The following UGT2B17 variants were observed in gnomAD, a reference collection of about 807,000 sequenced individuals.
UGT2B17 encodes UDP glucuronosyltransferase family 2 member B17.
In UGT2B17, 21 loss-of-function variants were observed where a neutral mutation model predicts 48.2. That is an observed-to-expected ratio of 0.44 (90% CI 0.31 to 0.63). The LOEUF is 0.63. UGT2B17 is among the 20% of genes least tolerant of loss of function. UGT2B17 has a pLI of 0.08. For synonymous variants in UGT2B17, 146 were observed against 238.4 expected (o/e 0.61, Z 3.57); for missense variants, 402 against 696.1 (o/e 0.58, Z 4.75).
intron 2 of UGT2B17, 149 bp from the exon 3 acceptor site, chr4:68,565,869 A>G: frequency 3.6e-5 from 15 of 417,298 alleles, no homozygotes; most frequent in Non-Finnish European, 4.5e-5. Flanking sequence ...ATATATAAAT[A>G]CATTTATATA....
rs535666461 is a variant in UGT2B17 at position 68,542,798 on chromosome 4, C to T, written c.1314-4894G>A. ...AACGGCACACCAGGAGATTATATCG[C>T]GCACCTGGCTCAGAGGGTCCTACGC... On this transcript the variant is annotated intron_variant, in intron 6 of 6. Transcript: ENST00000317746. Among the ~76,000 whole-genome samples, 62 of 127,180 alleles carry T rather than the reference C, an allele frequency of 4.9e-4. 16 individuals carry two copies. In the South Asian group the frequency reaches 7.7e-3, roughly 16 times the overall value. The allele number at this position is 127,180 out of a possible 152,430, so 83.4% of individuals were successfully genotyped here.
At chr4:68,541,499 T>C (rs1329829243) in intron 6 of UGT2B17, among the ~76,000 whole-genome samples, 2 of 126,586 alleles carry the variant, frequency 1.6e-5, no homozygotes, top group Admixed American at 8.1e-5. Context: ...GTGGTGTTTT[T>C]TTTCTTGTAA....
chr4:68,559,941 C>G (rs918298143), intron 4 of UGT2B17, among the ~76,000 whole-genome samples: 4 of 126,704 alleles, frequency 3.2e-5, no homozygotes, highest in African/African-American at 1.1e-4. Context: ...TTCTCTAAAT[C>G]TACTTGGCTA....
intron 6 of UGT2B17, among the ~76,000 whole-genome samples, chr4:68,538,872 T>G (rs1258245510): frequency 8.0e-6 from 1 of 125,618 alleles, no homozygotes; most frequent in African/African-American, 2.7e-5. Flanking sequence ...CCTTAGCCCG[T>G]TTACACCTTT....
chr4:68,571,834 C>A lies in UGT2B17; in HGVS notation c.-64-3286G>T, dbSNP rs1731301127. ...TTTTTCCTGGAATCTCAGGTACTGG[C>A]ACATTTAGTTCATCATAGAAAGTCT... On this transcript the variant is annotated intron_variant, in intron 1 of 6. Transcript: ENST00000317746. Among the ~76,000 whole-genome samples, 3 of 126,280 alleles carry A rather than the reference C, an allele frequency of 2.4e-5. 1 individual carries two copies. The highest frequency in any genetic ancestry group is 3.4e-5 in the Non-Finnish European group (2 of 59,590). 82.8% of individuals were successfully genotyped at this position (126,280 alleles called of 152,430 possible).
rs1255967654 is a variant in UGT2B17 at position 68,551,312 on chromosome 4, C to T, written c.1094-416G>A. ...TTAAATAGTTAAAATATTTAAAATA[C>T]TTAAATTTTTTTTTAAAGGCAGCAA... On this transcript the variant is annotated intron_variant, in intron 5 of 6. Coordinates refer to ENST00000317746, the MANE Select transcript of UGT2B17 (RefSeq NM_001077.4). Among the ~76,000 whole-genome samples, 9 of 124,438 alleles carry T rather than the reference C, an allele frequency of 7.2e-5. 4 individuals carry two copies. In the East Asian group the frequency reaches 6.8e-3, roughly 94 times the overall value. The allele number at this position is 124,438 out of a possible 152,430, so 81.6% of individuals were successfully genotyped here.
At position 68,565,200 on chromosome 4, in the gene UGT2B17, T is replaced by C. The variant is rs1473487667; in HGVS notation, c.873+372A>G. 2.4e-5 allele frequency among the ~76,000 whole-genome samples: 3 copies of C among 126,230 alleles called. 1 individual carries two copies. The highest frequency in any genetic ancestry group is 5.0e-5 in the Non-Finnish European group (3 of 59,674). 82.8% of individuals were successfully genotyped at this position (126,230 alleles called of 152,430 possible). A position where few individuals can be genotyped will look rare whatever the true frequency, so the allele number is the denominator to read the frequency against. ...TTTTATTCTATCTTTCAAAGTACAATGTTAGGCATGAGGGCGCAGAAACTG... is the reference window on the plus strand; with the variant it reads ...TTTTATTCTATCTTTCAAAGTACAACGTTAGGCATGAGGGCGCAGAAACTG... On this transcript the variant is annotated intron_variant, in intron 3 of 6. Transcript: ENST00000317746.
chr4:68,565,594 T>A lies in UGT2B17; in HGVS notation c.851A>T (p.Lys284Ile). ...NVDFVGGLHC[K>I]PAKPLPKEME... ...CACCTTAGGCAAGGGTTTGGCTGGT[T>A]TACAGTGAAGTCCTCCAACAAAATC... Residue 284 changes from lysine (K) to isoleucine (I), a missense_variant, in exon 3 of 7, where the codon AAA becomes ATA. Coordinates refer to ENST00000317746, the MANE Select transcript of UGT2B17 (RefSeq NM_001077.4). 1 of 1,369,978 alleles carries A rather than the reference T, an allele frequency of 7.3e-7. No individual in the cohort carries two copies. The highest frequency in any genetic ancestry group is 9.5e-7 in the Non-Finnish European group (1 of 1,050,590). The allele number at this position is 1,369,978 out of a possible 1,614,324, so 84.9% of individuals were successfully genotyped here.
chr4:68,569,543 G>T (rs924537363), intron 1 of UGT2B17, among the ~76,000 whole-genome samples: 2 of 125,302 alleles, frequency 1.6e-5, no homozygotes, highest in African/African-American at 5.5e-5. Flanking sequence ...GGAGCAGGGG[G>T]TTCAAAGATT....
intron 2 of UGT2B17, among the ~76,000 whole-genome samples, chr4:68,566,589 G>A (rs1243749265): frequency 4.0e-5 from 5 of 125,236 alleles, no homozygotes; most frequent in African/African-American, 1.4e-4. Flanking sequence ...CACTAAGTGA[G>A]AAGATCCAAG....
intron 1 of UGT2B17, among the ~76,000 whole-genome samples, chr4:68,575,543 C>T (rs767981984): frequency 8.0e-6 from 1 of 125,464 alleles, no homozygotes; most frequent in Non-Finnish European, 1.7e-5. Context: ...TACTTTGTGC[C>T]TGATCTATGT....
chr4:68,554,513 C>T (rs1310827066), intron 4 of UGT2B17, among the ~76,000 whole-genome samples: 3 of 125,140 alleles, frequency 2.4e-5, no homozygotes, highest in African/African-American at 8.2e-5. Context: ...TTTGATTCAA[C>T]AGGTTTTTGT....
intron 6 of UGT2B17, among the ~76,000 whole-genome samples, chr4:68,540,046 A>T (rs1299583474): frequency 8.1e-6 from 1 of 123,870 alleles, no homozygotes; most frequent in African/African-American, 2.8e-5. Flanking sequence ...TTGGCCTCCC[A>T]AAGTGTTGGA....
chr4:68,565,169 A>T (rs1731174709), intron 3 of UGT2B17, among the ~76,000 whole-genome samples: 1 of 124,380 alleles, frequency 8.0e-6, no homozygotes, highest in African/African-American at 2.8e-5. Context: ...TTTCTTTTTC[A>T]CTTGTTTTTA....
rs546278420 is a variant in UGT2B17 at position 68,562,956 on chromosome 4, T to A, written c.874-2288A>T. Among the ~76,000 whole-genome samples, 134 of 126,450 alleles carry A rather than the reference T, an allele frequency of 1.1e-3. 32 individuals are homozygous for A. The highest frequency in any genetic ancestry group is 1.8e-3 in the Non-Finnish European group (106 of 59,630). 83.0% of individuals were successfully genotyped at this position (126,450 alleles called of 152,430 possible). On this transcript the variant is annotated intron_variant, in intron 3 of 6. Transcript: ENST00000317746. ...ATTGTTTTGAAAAAATGGATTGTAA[T>A]GGCTTGGTATGCGCATTGTATAAGT...
Position 68,553,605 on chromosome 4 carries a change from C to G in UGT2B17, c.1006-1694G>C, listed in dbSNP as rs1730953013. Among the ~76,000 whole-genome samples the G allele has an allele frequency of 1.6e-5, 2 of 125,342 alleles. 1 individual carries two copies. The highest frequency in any genetic ancestry group is 3.4e-5 in the Non-Finnish European group (2 of 59,226). The allele number at this position is 125,342 out of a possible 152,430, so 82.2% of individuals were successfully genotyped here. On this transcript the variant is annotated intron_variant, in intron 4 of 6. Coordinates refer to ENST00000317746, the MANE Select transcript of UGT2B17 (RefSeq NM_001077.4). ...CGAGATTACCACAGATTACCTTGTA[C>G]TGTGAGAGGATTTTACCTTGGCGTG...
chr4:68,561,721 A>G (rs1284860698), intron 3 of UGT2B17, among the ~76,000 whole-genome samples: 1 of 117,882 alleles, frequency 8.5e-6, no homozygotes, highest in Admixed American at 9.1e-5. Flanking sequence ...GTGTTTCCTG[A>G]TGTGTTCCTG....
chr4:68,553,453 C>T lies in UGT2B17; in HGVS notation c.1006-1542G>A, dbSNP rs1464724226. Among the ~76,000 whole-genome samples, 3 of 126,602 alleles carry T rather than the reference C, an allele frequency of 2.4e-5. 1 individual carries two copies. The highest frequency in any genetic ancestry group is 8.1e-5 in the African/African-American group (3 of 37,208). 83.1% of individuals were successfully genotyped at this position (126,602 alleles called of 152,430 possible). A position where few individuals can be genotyped will look rare whatever the true frequency, so the allele number is the denominator to read the frequency against. ...TTGAACTCTTTTAAAGAATTCAGAA[C>T]AAAGGCACCACTCACCCCTTTGGGG... On this transcript the variant is annotated intron_variant, in intron 4 of 6. Coordinates refer to ENST00000317746, the MANE Select transcript of UGT2B17 (RefSeq NM_001077.4).
chr4:68,542,014 T>C (rs1730668195), intron 6 of UGT2B17, among the ~76,000 whole-genome samples: 1 of 125,526 alleles, frequency 8.0e-6, no homozygotes, highest in Non-Finnish European at 1.7e-5. Flanking sequence ...TGTCTGCTTT[T>C]GTTCCAGTAC....
Sources: allele counts gnomAD v4.1 joint callset (sites outside exome capture counted in the v4.1 genomes callset), GRCh38; gene constraint gnomAD v4.1.1; transcripts MANE v1.5; gene names NCBI Gene and HGNC (gene_info 2026-07-23, HGNC 2026-07-21).